The following PPTC7 variants were observed in gnomAD, a reference collection of about 807,000 sequenced individuals.
PPTC7 encodes the protein protein phosphatase PTC7 homolog.
A neutral mutation model predicts 30.8 loss-of-function variants in PPTC7; 6 were observed. The ratio of observed to expected loss-of-function variants is 0.19; its 90% CI spans 0.11 to 0.38. The LOEUF (loss-of-function observed/expected upper bound fraction) is 0.38, where lower values mean the gene tolerates loss of function less well. Ranked by LOEUF, PPTC7 falls within the 10% of genes least tolerant of loss-of-function variation. The pLI, the probability that PPTC7 is intolerant of heterozygous loss-of-function variation, is 1.00. For synonymous variants in PPTC7, 163 were observed against 168.1 expected (o/e 0.97, Z 0.23); for missense variants, 218 against 404.8 (o/e 0.54, Z 3.96).
intron 3 of PPTC7, among the ~76,000 whole-genome samples, chr12:110,542,126 G>A (rs991308643): frequency 5.9e-5 from 9 of 151,480 alleles, no homozygotes; most frequent in South Asian, 4.2e-4. Context: ...CTCTAGCCTG[G>A]GCAACAGAGC....
At chr12:110,576,644 T>C (rs2064591399) in intron 1 of PPTC7, among the ~76,000 whole-genome samples, 1 of 152,144 alleles carries the variant, frequency 6.6e-6, no homozygotes, top group Non-Finnish European at 1.5e-5. Context: ...ACGATCCATT[T>C]GTATGAAATG....
At chr12:110,566,400 G>A (rs1029094123) in intron 1 of PPTC7, among the ~76,000 whole-genome samples, 1 of 152,212 alleles carries the variant, frequency 6.6e-6, no homozygotes, top group South Asian at 2.1e-4. Context: ...AGGCTCTGGA[G>A]GCAGATCTGG....
intron 3 of PPTC7, among the ~76,000 whole-genome samples, 155 bp downstream of exon 3, chr12:110,545,725 T>A (rs2064300836): frequency 6.6e-6 from 1 of 152,240 alleles, no homozygotes. Flanking sequence ...CAGAAAAGTA[T>A]CTTTCAAAGT....
intron 1 of PPTC7, among the ~76,000 whole-genome samples, chr12:110,579,075 G>C (rs2064614428): frequency 6.6e-6 from 1 of 152,130 alleles, no homozygotes; most frequent in East Asian, 1.9e-4. Context: ...CTTGAAGCTG[G>C]GAGGCAGAGG....
intron 4 of PPTC7, among the ~76,000 whole-genome samples, chr12:110,539,110 G>A (rs1032912078): frequency 2.0e-5 from 3 of 152,120 alleles, no homozygotes; most frequent in Non-Finnish European, 4.4e-5. Context: ...AAGGCGTGGC[G>A]CTAAGGAGTT....
chr12:110,557,433 C>A (rs934649633), intron 1 of PPTC7, among the ~76,000 whole-genome samples: 2 of 151,994 alleles, frequency 1.3e-5, no homozygotes, highest in Admixed American at 6.6e-5. Context: ...CCCTGATACA[C>A]CCCGCTACTT....
intron 1 of PPTC7, among the ~76,000 whole-genome samples, chr12:110,579,737 GCGC>G (rs1251893703): frequency 2.0e-4 from 31 of 152,306 alleles, no homozygotes; most frequent in Admixed American, 9.8e-4. Context: ...TATGGGCTGG[GCGC>G]GGTGGTTCAT....
intron 2 of PPTC7, among the ~76,000 whole-genome samples, chr12:110,550,361 G>A (rs934476286): frequency 4.0e-5 from 6 of 151,286 alleles, no homozygotes; most frequent in Admixed American, 2.0e-4. Flanking sequence ...CTCCTAAGTA[G>A]CTGGGACCAC....
At chr12:110,576,795 G>C (rs1430044116) in intron 1 of PPTC7, among the ~76,000 whole-genome samples, 1 of 152,172 alleles carries the variant, frequency 6.6e-6, no homozygotes, top group Non-Finnish European at 1.5e-5. Context: ...ACAACTTTGT[G>C]AATGTAAAAA....
chr12:110,551,644 G>A (rs2064350331), intron 2 of PPTC7, 145 bp downstream of exon 2: 1 of 734,004 alleles, frequency 1.4e-6, no homozygotes, highest in Admixed American at 2.7e-5. Context: ...ACTGCGCCCA[G>A]CGGTTAGCCT....
At chr12:110,574,223 A>G (rs1040275471) in intron 1 of PPTC7, among the ~76,000 whole-genome samples, 3 of 151,384 alleles carry the variant, frequency 2.0e-5, no homozygotes, top group Admixed American at 6.6e-5. Flanking sequence ...AAGTCCCAAT[A>G]TAATACTAAC....
chr12:110,559,290 A>C (rs1324205294), intron 1 of PPTC7, among the ~76,000 whole-genome samples: 1 of 152,126 alleles, frequency 6.6e-6, no homozygotes, highest in East Asian at 1.9e-4. Context: ...TCAGTCTCCC[A>C]AAGTGCTGGG....
chr12:110,552,530 C>T lies in PPTC7; in HGVS notation c.224-562G>A, dbSNP rs148173170. On this transcript the variant is annotated intron_variant, in intron 1 of 5. Transcript: ENST00000354300. ...ATTCCTTACATGGTTACTGAGCACC[C>T]GAAATGAGGGAAGCCCAACTTGAGA... is the stretch of plus-strand genomic sequence containing the variant. Among the ~76,000 whole-genome samples the T allele has an allele frequency of 6.9e-3, 1,044 of 152,270 alleles. 1 individual carries two copies. The highest frequency in any genetic ancestry group is 9.4e-3 in the Non-Finnish European group (637 of 68,008).
At chr12:110,555,416 A>G (rs1235080536) in intron 1 of PPTC7, among the ~76,000 whole-genome samples, 2 of 152,242 alleles carry the variant, frequency 1.3e-5, no homozygotes, top group Non-Finnish European at 2.9e-5. Context: ...CTGGCCATGA[A>G]TGGATCGTTG....
intron 1 of PPTC7, among the ~76,000 whole-genome samples, chr12:110,573,091 GC>G (rs1323275472): frequency 6.6e-6 from 1 of 152,138 alleles, no homozygotes; most frequent in Non-Finnish European, 1.5e-5. Flanking sequence ...TGTTGGCCAG[GC>G]TGCTCTCAAA....
Position 110,565,889 on chromosome 12 carries a change from T to C in PPTC7, c.224-13921A>G, listed in dbSNP as rs558419725. Among the ~76,000 whole-genome samples, 295 of 152,268 alleles carry C rather than the reference T, an allele frequency of 1.9e-3. 1 individual carries two copies. The highest frequency in any genetic ancestry group is 4.8e-3 in the African/African-American group (200 of 41,554). ...AAAGCAAAGAAGGTCAGATTATGCA[T>C]AGCTGAAGGAATCAAAAGGATTAAT... On this transcript the variant is annotated intron_variant, in intron 1 of 5. Coordinates refer to ENST00000354300, the MANE Select transcript of PPTC7 (RefSeq NM_139283.2).
At chr12:110,563,334 T>C (rs1013233352) in intron 1 of PPTC7, among the ~76,000 whole-genome samples, 1 of 151,694 alleles carries the variant, frequency 6.6e-6, no homozygotes, top group Non-Finnish European at 1.5e-5. Flanking sequence ...CATGTGAAAA[T>C]GGCCGCATGA....
intron 1 of PPTC7, among the ~76,000 whole-genome samples, chr12:110,567,409 T>G (rs1049233645): frequency 6.6e-6 from 1 of 152,216 alleles, no homozygotes. Flanking sequence ...AGCAATCCCA[T>G]TTTCTGTTCC....
chr12:110,539,981 G>T lies in PPTC7; in HGVS notation c.603-36C>A, dbSNP rs74650839. ...GACAGGGGAGGGACAAAGTTAAGAA[G>T]GCCCTTTACAGATGAGTTGAAAATG... On this transcript the variant is annotated intron_variant, in intron 3 of 5. Transcript: ENST00000354300. 4.0e-3 allele frequency: 6,466 copies of T among 1,602,054 alleles called. 249 individuals carry two copies. The African/African-American group carries it at 0.076, about 19-fold the overall frequency.
Sources: allele counts gnomAD v4.1 joint callset (sites outside exome capture counted in the v4.1 genomes callset), GRCh38; gene constraint gnomAD v4.1.1; transcripts MANE v1.5; gene names NCBI Gene and HGNC (gene_info 2026-07-23, HGNC 2026-07-21).